GRID2: variants seen among roughly 807,000 people sequenced by gnomAD.
GRID2 encodes glutamate receptor ionotropic, delta-2.
A neutral mutation model predicts 114.8 loss-of-function variants in GRID2; 33 were observed. The ratio of observed to expected loss-of-function variants is 0.29; its 90% confidence interval spans 0.22 to 0.38. The LOEUF is 0.38. GRID2 is among the 10% of genes least tolerant of loss of function. GRID2 has a pLI of 1.00. For missense variants in GRID2, 1,184 were observed against 1,257.7 expected (o/e 0.94, Z 0.89); for synonymous variants, 505 against 449.9 (o/e 1.12, Z -1.55).
intron 2 of GRID2, among the ~76,000 whole-genome samples, chr4:92,811,381 T>G (rs1012739857): frequency 1.3e-5 from 2 of 152,140 alleles, no homozygotes; most frequent in Non-Finnish European, 2.9e-5. Flanking sequence ...TTTTCAGTAT[T>G]ATCTGTAAAA....
At chr4:92,436,884 T>G (rs1012559036) in intron 1 of GRID2, among the ~76,000 whole-genome samples, 8 of 152,268 alleles carry the variant, frequency 5.3e-5, no homozygotes, top group African/African-American at 1.9e-4. Context: ...TATTTAAAAT[T>G]ATGTGTATAA....
At chr4:92,649,148 A>G (rs1199305500) in intron 2 of GRID2, among the ~76,000 whole-genome samples, 1 of 85,762 alleles carries the variant, frequency 1.2e-5, no homozygotes, top group African/African-American at 4.9e-5. Flanking sequence ...TATACTAACT[A>G]TATATGTATA....
At chr4:93,492,252 A>T (rs1727080047) in intron 12 of GRID2, among the ~76,000 whole-genome samples, 1 of 151,950 alleles carries the variant, frequency 6.6e-6, no homozygotes, top group Admixed American at 6.6e-5. Flanking sequence ...AGATTTTGTG[A>T]TGCATTAGCT....
At chr4:93,016,050 AGTGTGTGTGTGAGTGTGTGTGT>A (rs1722670040) in intron 2 of GRID2, among the ~76,000 whole-genome samples, 1 of 124,058 alleles carries the variant, frequency 8.1e-6, no homozygotes, top group African/African-American at 3.3e-5. Context: ...GGGAGGGGGA[AGTGTGTGTGTGAGTGTGTGTGT>A]GTGTGTGTGT....
At chr4:92,404,488 A>C (rs1730936457) in intron 1 of GRID2, among the ~76,000 whole-genome samples, 1 of 152,318 alleles carries the variant, frequency 6.6e-6, no homozygotes, top group African/African-American at 2.4e-5. Flanking sequence ...AATTCCTCAA[A>C]GACCTAGAAC....
At chr4:92,763,149 A>G (rs1176205425) in intron 2 of GRID2, among the ~76,000 whole-genome samples, 1 of 152,148 alleles carries the variant, frequency 6.6e-6, no homozygotes, top group Non-Finnish European at 1.5e-5. Context: ...TATTGTAACA[A>G]TCTATAATGA....
chr4:93,369,281 C>T (rs1233561104), intron 8 of GRID2, among the ~76,000 whole-genome samples: 1 of 152,150 alleles, frequency 6.6e-6, no homozygotes, highest in African/African-American at 2.4e-5. Flanking sequence ...CTCCCTCTAC[C>T]ATAGTCTTAA....
At chr4:92,316,439 G>A (rs1199308800) in intron 1 of GRID2, among the ~76,000 whole-genome samples, 3 of 152,100 alleles carry the variant, frequency 2.0e-5, no homozygotes, top group Admixed American at 1.3e-4. Context: ...TTAATTTCAA[G>A]CTGAGAAATT....
At chr4:93,469,801 C>T (rs999023745) in intron 11 of GRID2, among the ~76,000 whole-genome samples, 5 of 152,012 alleles carry the variant, frequency 3.3e-5, no homozygotes, top group South Asian at 2.1e-4. Flanking sequence ...TCTAAGCTAT[C>T]GGAAAACAAG....
At chr4:93,574,751 T>C (rs578234833) in intron 13 of GRID2, among the ~76,000 whole-genome samples, 1 of 152,282 alleles carries the variant, frequency 6.6e-6, no homozygotes, top group East Asian at 1.9e-4. Context: ...TATCAAATAT[T>C]AAGTAAGATA....
In GRID2 at chr4:93,718,341, G is replaced by T. The variant is rs374929827; in HGVS notation, c.2361-50869G>T. On this transcript the variant is annotated intron_variant, in intron 14 of 15. Coordinates refer to ENST00000282020, the MANE Select transcript of GRID2 (RefSeq NM_001510.4). ...TTCTATCAGAAGATTGACATTGCTT[G>T]AGCAACTGCTCAGTCATACCTCTGA... Among the ~76,000 whole-genome samples, 9 of 152,240 alleles carry T rather than the reference G, an allele frequency of 5.9e-5. No individual in the cohort carries two copies. In the East Asian group the frequency reaches 9.7e-4, roughly 16 times the overall value.
intron 2 of GRID2, among the ~76,000 whole-genome samples, chr4:92,615,530 C>G (rs984371896): frequency 8.6e-5 from 13 of 151,674 alleles, no homozygotes; most frequent in Non-Finnish European, 3.0e-5. Flanking sequence ...GTTTCTCTTA[C>G]AGACAGCATA....
At chr4:92,590,080 A>T in intron 1 of GRID2, 51 bp from the exon 2 acceptor site, 1 of 1,227,992 alleles carries the variant, frequency 8.1e-7, no homozygotes, top group Non-Finnish European at 1.2e-6. Context: ...TCCAGAGGGG[A>T]TGACAGAATA....
At chr4:93,632,775 C>A (rs572291426) in intron 14 of GRID2, among the ~76,000 whole-genome samples, 3 of 151,982 alleles carry the variant, frequency 2.0e-5, no homozygotes, top group African/African-American at 7.2e-5. Flanking sequence ...TAGCTTGATG[C>A]GGATGGCATT....
intron 1 of GRID2, among the ~76,000 whole-genome samples, chr4:92,403,363 CCT>C (rs1437193131): frequency 1.3e-5 from 2 of 152,078 alleles, no homozygotes; most frequent in Non-Finnish European, 1.5e-5. Context: ...TTTTGAAGTT[CCT>C]CTCTCAGTAA....
chr4:92,713,892 G>A (rs549573490), intron 2 of GRID2, among the ~76,000 whole-genome samples: 1 of 152,014 alleles, frequency 6.6e-6, no homozygotes, highest in South Asian at 2.1e-4. Context: ...TTTGGGTGGG[G>A]ACACAGCCAA....
At chr4:93,058,237 G>T (rs910584423) in intron 2 of GRID2, among the ~76,000 whole-genome samples, 7 of 150,660 alleles carry the variant, frequency 4.6e-5, no homozygotes, top group African/African-American at 1.7e-4. Flanking sequence ...AATACAGTGT[G>T]CATTAATTTA....
chr4:92,640,655 G>GT (rs1196252600), intron 2 of GRID2, among the ~76,000 whole-genome samples: 1 of 151,756 alleles, frequency 6.6e-6, no homozygotes, highest in East Asian at 1.9e-4. Context: ...TATGGAAGAA[G>GT]TAAGAATGAA....
At chr4:92,915,016 A>C (rs1748673896) in intron 2 of GRID2, among the ~76,000 whole-genome samples, 1 of 152,160 alleles carries the variant, frequency 6.6e-6, no homozygotes, top group South Asian at 2.1e-4. Flanking sequence ...ACAGTCCAGC[A>C]TGGCTGAAGA....
Sources: allele counts gnomAD v4.1 joint callset (sites outside exome capture counted in the v4.1 genomes callset), GRCh38; gene constraint gnomAD v4.1.1; transcripts MANE v1.5; gene names NCBI Gene and HGNC (gene_info 2026-07-23, HGNC 2026-07-21).